Variants in SLC7A5 observed in about 807,000 individuals in gnomAD.
The protein encoded by SLC7A5 is large neutral amino acids transporter small subunit 1.
A neutral mutation model predicts 50.2 loss-of-function variants in SLC7A5; 23 were observed. The ratio of observed to expected loss-of-function variants is 0.46; its 90% confidence interval spans 0.33 to 0.65. SLC7A5 has a LOEUF of 0.65. Among genes scored for constraint, SLC7A5 ranks in the 30% least tolerant of loss-of-function variants. The pLI, the probability that SLC7A5 is intolerant of heterozygous loss-of-function variation, is 0.02. For synonymous variants in SLC7A5, 393 were observed against 330.6 expected, an observed-to-expected ratio of 1.19 and a Z score of -2.05; for missense variants, 578 against 684.4, an observed-to-expected ratio of 0.84 and a Z score of 1.73.
At chr16:87,855,636 T>C (rs759765663) in intron 1 of SLC7A5, among the ~76,000 whole-genome samples, 4 of 151,920 alleles carry the variant, frequency 2.6e-5, no homozygotes, top group Admixed American at 6.6e-5. Flanking sequence ...GCTGGCATCT[T>C]GGTCTCCTGG....
intron 1 of SLC7A5, among the ~76,000 whole-genome samples, chr16:87,865,298 C>T (rs1471742816): frequency 6.6e-6 from 1 of 152,172 alleles, no homozygotes; most frequent in Non-Finnish European, 1.5e-5. Flanking sequence ...AAGTGTGGCC[C>T]TAACTTTCGC....
chr16:87,850,927 T>C (rs1184407779), intron 2 of SLC7A5, among the ~76,000 whole-genome samples: 1 of 152,110 alleles, frequency 6.6e-6, no homozygotes, highest in Admixed American at 6.5e-5. Flanking sequence ...ATACCAACTG[T>C]GTCAGTCCAC....
At position 87,862,243 on chromosome 16, in the gene SLC7A5, A is replaced by T. The variant is rs1323467033; in HGVS notation, c.538+6642T>A. ...GTTGGGGGGGTGGTGCTGGACACCC[A>T]GGGGGCAGATAGAGGCAGCCAGGCA... On this transcript the variant is annotated intron_variant, in intron 1 of 9. Coordinates refer to ENST00000261622, the MANE Select transcript of SLC7A5 (RefSeq NM_003486.7). The surrounding 1 kb of genome is among the most constrained non-coding windows in gnomAD (Gnocchi z 5.3). Among the ~76,000 whole-genome samples the T allele has an allele frequency of 6.6e-6, 1 of 152,110 alleles. No homozygotes were observed. The highest frequency in any genetic ancestry group is 1.5e-5 in the Non-Finnish European group (1 of 67,996).
rs538366098 is a variant in SLC7A5, at chr16:87,860,773, C to T, written c.538+8112G>A. 3.3e-5 allele frequency among the ~76,000 whole-genome samples: 5 copies of T among 152,324 alleles called. No individual in the cohort carries two copies. The highest frequency in any genetic ancestry group is 1.2e-4 in the African/African-American group (5 of 41,580). Reference sequence around the variant, plus strand: ...AGGGATCGAGTTTGCGGGCGTCACGCTCCAAGGCCCAGAATAGGAGGTCGG... The same window carrying T: ...AGGGATCGAGTTTGCGGGCGTCACGTTCCAAGGCCCAGAATAGGAGGTCGG... On this transcript the variant is annotated intron_variant, in intron 1 of 9. Coordinates refer to ENST00000261622, the MANE Select transcript of SLC7A5 (RefSeq NM_003486.7). This position sits in a 1 kb window ranked among gnomAD's most constrained non-coding sequence, Gnocchi z 4.8.
rs1325047651 is a variant in SLC7A5, at chr16:87,869,439, G to C, written c.-17C>G. ...ACCCGCCATGCTCTGCGCACCGGCC[G>C]GGCCTGGGACACCCGGGAGCCGCGG... On this transcript the variant is annotated 5_prime_UTR_variant, in exon 1 of 10. Transcript: ENST00000261622. 1.4e-6 allele frequency: 2 copies of C among 1,424,330 alleles called. No homozygotes were observed. Among genetic ancestry groups the C allele is most frequent in the East Asian group, 2.8e-5 (1 of 36,162 alleles). The allele number at this position is 1,424,330 out of a possible 1,614,324, so 88.2% of individuals were successfully genotyped here. A position where few individuals can be genotyped will look rare whatever the true frequency, so the allele number is the denominator to read the frequency against.
Position 87,861,634 on chromosome 16 carries a change from TG to T in SLC7A5, c.538+7250del, listed in dbSNP as rs1048195280. On this transcript the variant is annotated intron_variant, in intron 1 of 9. Transcript: ENST00000261622. The surrounding 1 kb of genome is among the most constrained non-coding windows in gnomAD (Gnocchi z 4.2). ...TGCCCTACCTTGGACACCCCTCTCC[TG>T]GGGGTGGCTCTCAACCTGGCCTGGG... is the stretch of plus-strand genomic sequence containing the variant. 3.3e-5 allele frequency among the ~76,000 whole-genome samples: 5 copies of T among 152,218 alleles called. No individual in the cohort carries two copies. The highest frequency in any genetic ancestry group is 1.3e-4 in the Admixed American group (2 of 15,290).
At chr16:87,849,822 G>GGTACC (rs1260779324) in intron 2 of SLC7A5, among the ~76,000 whole-genome samples, 4 of 152,146 alleles carry the variant, frequency 2.6e-5, no homozygotes, top group Non-Finnish European at 5.9e-5. Context: ...GGGCGACTCT[G>GGTACC]AGAATCCCTG....
At chr16:87,848,316 T>C (rs749966224) in intron 2 of SLC7A5, among the ~76,000 whole-genome samples, 24 of 152,324 alleles carry the variant, frequency 1.6e-4, no homozygotes, top group Middle Eastern at 3.4e-3. Flanking sequence ...AAGCGCCCCA[T>C]TGTGTCCTCC....
intron 1 of SLC7A5, among the ~76,000 whole-genome samples, chr16:87,856,845 T>C (rs2055328183): frequency 6.6e-6 from 1 of 151,462 alleles, no homozygotes; most frequent in Admixed American, 6.6e-5. Context: ...ATAAAAGCAG[T>C]GGTGGGGGAG....
intron 8 of SLC7A5, 127 bp downstream of exon 8, chr16:87,836,371 G>T: frequency 9.4e-7 from 1 of 1,064,024 alleles, no homozygotes; most frequent in African/African-American, 1.6e-5. Context: ...AGTCGACCCA[G>T]GTGCATGCAG....
intron 5 of SLC7A5, 144 bp downstream of exon 5, chr16:87,839,558 C>T: frequency 1.7e-6 from 2 of 1,158,612 alleles, no homozygotes; most frequent in Non-Finnish European, 2.5e-6. Flanking sequence ...CCACTCCACC[C>T]CTCCGGGTAG....
chr16:87,866,227 T>C (rs1242539201), intron 1 of SLC7A5, among the ~76,000 whole-genome samples: 2 of 151,526 alleles, frequency 1.3e-5, no homozygotes, highest in Non-Finnish European at 2.9e-5. Flanking sequence ...AAAAAAAAGG[T>C]GGAGAACAAG....
At chr16:87,863,982 T>TAAAAA (rs200874231) in intron 1 of SLC7A5, among the ~76,000 whole-genome samples, 38 of 107,908 alleles carry the variant, frequency 3.5e-4, no homozygotes, top group Admixed American at 3.1e-3. Flanking sequence ...TGTGATCATT[T>TAAAAA]AAAAATATAT....
chr16:87,852,729 G>A lies in SLC7A5; in HGVS notation c.539-880C>T, dbSNP rs2055253064. ...ATATATAGGCACGCTGAGCCACTGT[G>A]TGTGTGTGCGTGTGTGTGTGTGTTT... On this transcript the variant is annotated intron_variant, in intron 1 of 9. Transcript: ENST00000261622. This position sits in a 1 kb window ranked among gnomAD's most constrained non-coding sequence, Gnocchi z 4.5. 6.6e-6 allele frequency among the ~76,000 whole-genome samples: 1 copy of A among 151,126 alleles called. No individual in the cohort carries two copies. Among genetic ancestry groups the A allele is most frequent in the African/African-American group, 2.4e-5 (1 of 41,014 alleles).
At position 87,837,569 on chromosome 16, in the gene SLC7A5, C is replaced by A. The variant is rs1597494341; in HGVS notation, c.1140+276G>T. ...TGGGCGCCCACGGAGGTGCAGTGAG[C>A]CAGGCGGCTGGCAGAGCAGCACCCC... On this transcript the variant is annotated intron_variant, in intron 7 of 9. Transcript: ENST00000261622. The A allele has an allele frequency of 1.1e-5, 5 of 467,616 alleles. No homozygotes were observed. The East Asian group carries it at 1.8e-4, about 17-fold the overall frequency. 29.0% of individuals were successfully genotyped at this position (467,616 alleles called of 1,614,324 possible). A position where few individuals can be genotyped will look rare whatever the true frequency, so the allele number is the denominator to read the frequency against.
chr16:87,869,447 G>A lies in SLC7A5; in HGVS notation c.-25C>T, dbSNP rs2055506738. On this transcript the variant is annotated 5_prime_UTR_variant, in exon 1 of 10. Coordinates refer to ENST00000261622, the MANE Select transcript of SLC7A5 (RefSeq NM_003486.7). ...TGCTCTGCGCACCGGCCGGGCCTGGGACACCCGGGAGCCGCGGCCCAGCGA... is the reference window on the plus strand; with the variant it reads ...TGCTCTGCGCACCGGCCGGGCCTGGAACACCCGGGAGCCGCGGCCCAGCGA... 1 of 1,387,314 alleles carries A rather than the reference G, an allele frequency of 7.2e-7. No homozygotes were observed. The highest frequency in any genetic ancestry group is 9.3e-7 in the Non-Finnish European group (1 of 1,080,828). 85.9% of individuals were successfully genotyped at this position (1,387,314 alleles called of 1,614,324 possible).
intron 2 of SLC7A5, among the ~76,000 whole-genome samples, chr16:87,842,104 A>G (rs2055089527): frequency 6.7e-6 from 1 of 150,084 alleles, no homozygotes; most frequent in South Asian, 2.1e-4. Flanking sequence ...GAACTTGGAA[A>G]GAAGACCAAA....
chr16:87,854,140 C>T lies in SLC7A5; in HGVS notation c.539-2291G>A, dbSNP rs1008488138. ...AACCCAGCCGCTCCCCAACCAAAAA[C>T]AGTCTGGAGGGGCTGACGGGTGCCA... On this transcript the variant is annotated intron_variant, in intron 1 of 9. Transcript: ENST00000261622. Among the ~76,000 whole-genome samples the T allele has an allele frequency of 2.3e-5, 3 of 128,288 alleles. No homozygotes were observed. In the Admixed American group the frequency reaches 3.1e-4, roughly 13 times the overall value. The allele number at this position is 128,288 out of a possible 152,430, so 84.2% of individuals were successfully genotyped here. A position where few individuals can be genotyped will look rare whatever the true frequency, so the allele number is the denominator to read the frequency against.
Position 87,861,013 on chromosome 16 carries a change from T to TG in SLC7A5, c.538+7871dup, listed in dbSNP as rs1206039908. Among the ~76,000 whole-genome samples, 3 of 152,098 alleles carry TG rather than the reference T, an allele frequency of 2.0e-5. No individual in the cohort carries two copies. The highest frequency in any genetic ancestry group is 1.3e-4 in the Admixed American group (2 of 15,270). On this transcript the variant is annotated intron_variant, in intron 1 of 9. Coordinates refer to ENST00000261622, the MANE Select transcript of SLC7A5 (RefSeq NM_003486.7). This position sits in a 1 kb window ranked among gnomAD's most constrained non-coding sequence, Gnocchi z 4.2. ...GCCAGTATCAGGGAAGGAGACGCTGTGGGGGGCCCTCCTGTTGGAAAAGGG... is the reference window on the plus strand; with the variant it reads ...GCCAGTATCAGGGAAGGAGACGCTGTGGGGGGGCCCTCCTGTTGGAAAAGGG...
Sources: gnomAD v4.1 joint callset for allele counts (sites outside exome capture counted in the v4.1 genomes callset) on GRCh38, gnomAD v4.1.1 for gene constraint, Gnocchi (gnomAD v3.1) non-coding constraint, MANE v1.5 for transcripts, NCBI Gene and HGNC (gene_info 2026-07-23, HGNC 2026-07-21) for gene names.